CELF1: variants seen among roughly 807,000 people sequenced by gnomAD.
CELF1 encodes the protein CUGBP Elav-like family member 1.
In CELF1, 10 loss-of-function variants were observed where a neutral mutation model predicts 61.8. That is an observed-to-expected ratio of 0.16 (90% CI 0.10 to 0.27). CELF1 has a LOEUF of 0.27. Ranked by LOEUF, CELF1 falls within the 10% of genes least tolerant of loss-of-function variation. The pLI, the probability that CELF1 is intolerant of heterozygous loss-of-function variation, is 1.00. For missense variants in CELF1, 380 were observed against 639.1 expected, an observed-to-expected ratio of 0.59 and a Z score of 4.37; for synonymous variants, 236 against 225.1, an observed-to-expected ratio of 1.05 and a Z score of -0.43.
intron 3 of CELF1, chr11:47,496,068 G>A (rs766122749): frequency 1.2e-5 from 11 of 902,528 alleles, no homozygotes; most frequent in East Asian, 1.2e-4. Flanking sequence ...ACAGAAGTGC[G>A]TGAGAATAAA....
In CELF1 at chr11:47,474,983, A is replaced by G. The variant is rs2079346148; in HGVS notation, c.1273+353T>C. 2.0e-5 allele frequency among the ~76,000 whole-genome samples: 3 copies of G among 152,234 alleles called. No individual in the cohort carries two copies. In the South Asian group the frequency reaches 6.2e-4, roughly 31 times the overall value. On this transcript the variant is annotated intron_variant, in intron 13 of 14. Coordinates refer to ENST00000687097, the MANE Select transcript of CELF1 (RefSeq NM_001376376.1). The stretch of plus-strand genomic sequence containing the variant: ...GCTAAAAGGGACACTGAAACAGAAG[A>G]CATCCAGACAGAAGATCCTCTGATA...
intron 1 of CELF1, chr11:47,506,850 GC>G (rs1224876433): frequency 6.6e-6 from 1 of 152,200 alleles, no homozygotes; most frequent in East Asian, 1.9e-4. Flanking sequence ...TCAGTAGTTA[GC>G]CCATACCTGT....
At chr11:47,483,404 C>G (rs1277489542) in intron 8 of CELF1, 49 bp downstream of exon 8, 3 of 1,465,384 alleles carry the variant, frequency 2.0e-6, no homozygotes, top group Non-Finnish European at 2.9e-6. Flanking sequence ...CCAACTGTCC[C>G]AGCATTCCCA....
At chr11:47,545,474 C>T (rs1331671713) in intron 1 of CELF1, among the ~76,000 whole-genome samples, 1 of 151,886 alleles carries the variant, frequency 6.6e-6, no homozygotes, top group East Asian at 1.9e-4. Flanking sequence ...ACCATAAAGT[C>T]TCCAATACTC....
At chr11:47,552,049 A>G (rs2153779418) in intron 1 of CELF1, among the ~76,000 whole-genome samples, 1 of 152,222 alleles carries the variant, frequency 6.6e-6, no homozygotes, top group Admixed American at 6.5e-5. Context: ...TTCTTGTAAA[A>G]GATTCATTAT....
chr11:47,482,345 T>C (rs1046020727), intron 9 of CELF1: 1 of 175,638 alleles, frequency 5.7e-6, no homozygotes, highest in African/African-American at 2.4e-5. Flanking sequence ...CTACATCTGG[T>C]AGAAAGAGAT....
At chr11:47,530,189 T>C (rs1008627062) in intron 1 of CELF1, among the ~76,000 whole-genome samples, 1 of 152,194 alleles carries the variant, frequency 6.6e-6, no homozygotes, top group African/African-American at 2.4e-5. Flanking sequence ...TCTGGGAACC[T>C]TAACTTTAAA....
chr11:47,516,182 ACT>A (rs2095543227), intron 1 of CELF1, among the ~76,000 whole-genome samples: 1 of 151,800 alleles, frequency 6.6e-6, no homozygotes, highest in Non-Finnish European at 1.5e-5. Context: ...ACAGAGCAAG[ACT>A]CTGTCTCAAA....
chr11:47,538,659 A>AAAAT (rs1555189683), intron 1 of CELF1, among the ~76,000 whole-genome samples: 9 of 149,002 alleles, frequency 6.0e-5, no homozygotes, highest in African/African-American at 2.0e-4. Context: ...AAAAAAAAAA[A>AAAAT]AAATCTCCAT....
intron 1 of CELF1, among the ~76,000 whole-genome samples, chr11:47,511,400 T>C (rs1254358568): frequency 2.5e-5 from 1 of 40,770 alleles, no homozygotes; most frequent in Non-Finnish European, 5.3e-5. Context: ...AAACAATAGA[T>C]AATTCATCAA....
chr11:47,487,772 C>G (rs1287157256), intron 4 of CELF1, among the ~76,000 whole-genome samples: 1 of 152,180 alleles, frequency 6.6e-6, no homozygotes, highest in African/African-American at 2.4e-5. Context: ...TTTTTTTGGA[C>G]TCTTGGTTCT....
At chr11:47,512,238 C>T (rs1376091831) in intron 1 of CELF1, among the ~76,000 whole-genome samples, 1 of 151,842 alleles carries the variant, frequency 6.6e-6, no homozygotes, top group African/African-American at 2.4e-5. Context: ...CTGCAACCTC[C>T]GCCTCCCAGG....
chr11:47,520,867 G>A (rs546700863), intron 1 of CELF1, among the ~76,000 whole-genome samples: 66 of 152,228 alleles, frequency 4.3e-4, no homozygotes, highest in South Asian at 8.3e-4. Context: ...AATATCTTCA[G>A]TAAATAGTCT....
intron 10 of CELF1, 153 bp from the exon 11 acceptor site, chr11:47,477,578 T>A (rs2153403853): frequency 1.5e-6 from 1 of 670,138 alleles, no homozygotes; most frequent in Non-Finnish European, 2.5e-6. Flanking sequence ...GCTCCAAAAA[T>A]GATTCATGTA....
chr11:47,469,009 G>C lies in CELF1; in HGVS notation c.*3221C>G, dbSNP rs1009587894. 2.0e-5 allele frequency: 3 copies of C among 152,284 alleles called. No individual in the cohort carries two copies. The allele number at this position is 152,284 out of a possible 1,614,324, so 9.4% of individuals were successfully genotyped here. ...TGTGTGTACAGCCCTGAAATGAGGT[G>C]GGCGGGCAGGGGTTGGGTAATGACA... is the stretch of plus-strand genomic sequence containing the variant. On this transcript the variant is annotated 3_prime_UTR_variant, in exon 15 of 15. Transcript: ENST00000687097.
chr11:47,489,935 G>GTTTTTTTTCTTTTTTTTTTTTTTTTTTT (rs2090264572), intron 3 of CELF1, among the ~76,000 whole-genome samples: 1 of 48,226 alleles, frequency 2.1e-5, no homozygotes, highest in Non-Finnish European at 3.9e-5. Context: ...ATACCATCTT[G>GTTTTTTTTCTTTTTTTTTTTTTTTTTTT]TTTTTTTTTT....
intron 3 of CELF1, among the ~76,000 whole-genome samples, chr11:47,498,376 G>A (rs2153536883): frequency 6.6e-6 from 1 of 152,330 alleles, no homozygotes; most frequent in South Asian, 2.1e-4. Flanking sequence ...CTGCACTCCA[G>A]CCTGGGCAAC....
intron 1 of CELF1, among the ~76,000 whole-genome samples, chr11:47,531,179 C>T (rs925977194): frequency 2.6e-5 from 4 of 151,826 alleles, no homozygotes; most frequent in African/African-American, 7.3e-5. Flanking sequence ...CCCGGGAGGT[C>T]GATGTTACAG....
intron 1 of CELF1, among the ~76,000 whole-genome samples, chr11:47,527,405 ATTAAGTAAAAGCCTC>A (rs927013502): frequency 3.3e-5 from 5 of 152,176 alleles, no homozygotes; most frequent in African/African-American, 1.2e-4. Context: ...AACAAAAAAA[ATTAAGTAAAAGCCTC>A]TTAAGTAAAA....
Sources: allele counts gnomAD v4.1 joint callset (sites outside exome capture counted in the v4.1 genomes callset), GRCh38; gene constraint gnomAD v4.1.1; transcripts MANE v1.5; gene names NCBI Gene and HGNC (gene_info 2026-07-23, HGNC 2026-07-21).